The following TRIM71 variants were observed in gnomAD, a reference collection of about 807,000 sequenced individuals.
The protein encoded by TRIM71 is tripartite motif containing 71.
Under a neutral mutation model 61.2 loss-of-function variants are expected in TRIM71, and 9 were observed. The ratio of observed to expected loss-of-function variants is 0.15; its 90% CI spans 0.09 to 0.26. The LOEUF is 0.26. Ranked by LOEUF, TRIM71 falls within the 10% of genes least tolerant of loss-of-function variation. The probability of loss-of-function intolerance (pLI) is 1.00; values close to 1 mark genes in which losing one functional copy is unlikely to be tolerated. For synonymous variants in TRIM71, 645 were observed against 553.2 expected (o/e 1.17, Z -2.33); for missense variants, 998 against 1,238.7 (o/e 0.81, Z 2.92).
chr3:32,849,961 C>T (rs1273920366), intron 1 of TRIM71, among the ~76,000 whole-genome samples: 3 of 152,168 alleles, frequency 2.0e-5, no homozygotes, highest in East Asian at 1.9e-4. Context: ...TGGCTCAAAG[C>T]GTTCTTGGGG....
intron 2 of TRIM71, among the ~76,000 whole-genome samples, chr3:32,874,531 T>G (rs1013985880): frequency 6.6e-6 from 1 of 150,670 alleles, no homozygotes; most frequent in Non-Finnish European, 1.5e-5. Flanking sequence ...CCTGGCTAAT[T>G]TTTTTTTTTG....
At chr3:32,862,369 A>G (rs185055492) in intron 1 of TRIM71, among the ~76,000 whole-genome samples, 3 of 152,338 alleles carry the variant, frequency 2.0e-5, no homozygotes, top group Admixed American at 2.0e-4. Flanking sequence ...TACCCAGGTG[A>G]TGAGTGCCTT....
At chr3:32,889,894 G>A (rs1324740564) in intron 3 of TRIM71, among the ~76,000 whole-genome samples, 1 of 140,926 alleles carries the variant, frequency 7.1e-6, no homozygotes, top group African/African-American at 2.5e-5. Context: ...GTATGTGTGT[G>A]TGTGTGTATG....
chr3:32,824,880 C>G (rs1242380274), intron 1 of TRIM71, among the ~76,000 whole-genome samples: 1 of 151,944 alleles, frequency 6.6e-6, no homozygotes, highest in Non-Finnish European at 1.5e-5. Flanking sequence ...CTGCAACCTC[C>G]GCCTCCCTGG....
rs904336688 is a variant in TRIM71, at chr3:32,892,625, A to T, written c.*814A>T. 3.8e-4 allele frequency: 58 copies of T among 152,244 alleles called. 2 individuals carry two copies. Among genetic ancestry groups the T allele is most frequent in the Non-Finnish European group, 7.3e-5 (5 of 68,050 alleles). 9.4% of individuals were successfully genotyped at this position (152,244 alleles called of 1,614,324 possible). A position where few individuals can be genotyped will look rare whatever the true frequency, so the allele number is the denominator to read the frequency against. The stretch of plus-strand genomic sequence containing the variant: ...ATCTTGCACCCAAGTAGTAAAGCTG[A>T]AAATGACACACTGCCTCCCAAAGAA... On this transcript the variant is annotated 3_prime_UTR_variant, in exon 4 of 4. Transcript: ENST00000383763.
At chr3:32,889,894 G>GTGTGTGTA in intron 3 of TRIM71, among the ~76,000 whole-genome samples, 1 of 141,028 alleles carries the variant, frequency 7.1e-6, no homozygotes, top group Non-Finnish European at 1.6e-5. Flanking sequence ...GTATGTGTGT[G>GTGTGTGTA]TGTGTGTATG....
intron 2 of TRIM71, among the ~76,000 whole-genome samples, chr3:32,879,229 C>A (rs1316036236): frequency 6.6e-6 from 1 of 152,312 alleles, no homozygotes; most frequent in South Asian, 2.1e-4. Flanking sequence ...CTGGTTTGAT[C>A]TTTTCTCCAG....
At chr3:32,828,280 A>G (rs143391602) in intron 1 of TRIM71, among the ~76,000 whole-genome samples, 319 of 152,234 alleles carry the variant, frequency 2.1e-3, no homozygotes, top group African/African-American at 7.4e-3. Flanking sequence ...GAGAGTAGAA[A>G]GTTTAGGTAA....
intron 1 of TRIM71, among the ~76,000 whole-genome samples, chr3:32,854,825 A>G (rs1696577995): frequency 6.6e-6 from 1 of 152,210 alleles, no homozygotes; most frequent in Non-Finnish European, 1.5e-5. Context: ...TTGAGCATCC[A>G]TGTGCCAGAC....
chr3:32,832,679 C>T (rs1379591213), intron 1 of TRIM71, among the ~76,000 whole-genome samples: 1 of 151,650 alleles, frequency 6.6e-6, no homozygotes, highest in East Asian at 1.9e-4. Context: ...AGTGAAGACC[C>T]CGTCTCAATA....
chr3:32,874,285 C>A (rs890037368), intron 2 of TRIM71, among the ~76,000 whole-genome samples: 35 of 152,110 alleles, frequency 2.3e-4, no homozygotes, highest in Non-Finnish European at 4.6e-4. Flanking sequence ...TTGGCACTTT[C>A]CAGCCAGGAC....
chr3:32,821,753 G>GGCCGCGGGCCCGCTGCGT (rs1575338580), intron 1 of TRIM71, among the ~76,000 whole-genome samples: 1 of 151,672 alleles, frequency 6.6e-6, no homozygotes, highest in Non-Finnish European at 1.5e-5. Context: ...CGGAACAGCT[G>GGCCGCGGGCCCGCTGCGT]GCCGCGGGCC....
At chr3:32,822,499 C>CT (rs1696146382) in intron 1 of TRIM71, among the ~76,000 whole-genome samples, 1 of 152,056 alleles carries the variant, frequency 6.6e-6, no homozygotes, top group Non-Finnish European at 1.5e-5. Flanking sequence ...GGTTTGCTGC[C>CT]TAAAATAATC....
chr3:32,868,188 C>A (rs1333668156), intron 1 of TRIM71, among the ~76,000 whole-genome samples: 1 of 152,128 alleles, frequency 6.6e-6, no homozygotes, highest in Non-Finnish European at 1.5e-5. Flanking sequence ...CTGACTGCCT[C>A]TCCTGGCATC....
Position 32,889,231 on chromosome 3 carries a change from T to A in TRIM71, c.1156-1129T>A, listed in dbSNP as rs569064118. 5.3e-5 allele frequency among the ~76,000 whole-genome samples: 8 copies of A among 152,288 alleles called. No individual in the cohort carries two copies. The East Asian group carries it at 1.5e-3, about 29-fold the overall frequency. On this transcript the variant is annotated intron_variant, in intron 3 of 3. Coordinates refer to ENST00000383763, the MANE Select transcript of TRIM71 (RefSeq NM_001039111.3). ...GGCAAAGTGTAGGTGCTCAGTACAC[T>A]CCTTTGTCAAATGGCTGTTTTTGGT... is the stretch of plus-strand genomic sequence containing the variant.
chr3:32,892,942 C>G lies in TRIM71; in HGVS notation c.*1131C>G, dbSNP rs1384962629. 6.6e-6 allele frequency: 1 copy of G among 152,180 alleles called. No homozygotes were observed. The highest frequency in any genetic ancestry group is 1.5e-5 in the Non-Finnish European group (1 of 68,030). 9.4% of individuals were successfully genotyped at this position (152,180 alleles called of 1,614,324 possible). ...CTCCACAGAAAGGGCAGGGTCTGCC[C>G]TGACCCGCGAGTGCATGTTGTTCTG... On this transcript the variant is annotated 3_prime_UTR_variant, in exon 4 of 4. Transcript: ENST00000383763.
At chr3:32,822,310 G>A (rs1023683169) in intron 1 of TRIM71, among the ~76,000 whole-genome samples, 8 of 152,072 alleles carry the variant, frequency 5.3e-5, no homozygotes, top group African/African-American at 1.7e-4. Context: ...CTGGAGTCTG[G>A]TTGGAAAAAG....
At chr3:32,860,137 T>C (rs1453659938) in intron 1 of TRIM71, among the ~76,000 whole-genome samples, 5 of 119,434 alleles carry the variant, frequency 4.2e-5, no homozygotes, top group South Asian at 3.6e-4. Context: ...CCTCCCCTCT[T>C]CCCTCCCCTC....
chr3:32,829,626 T>TTTG (rs1553643443), intron 1 of TRIM71, among the ~76,000 whole-genome samples: 3 of 148,680 alleles, frequency 2.0e-5, no homozygotes, highest in Admixed American at 6.7e-5. Flanking sequence ...TGTCATGGTA[T>TTTG]TGTGTGTGTG....
Sources: allele counts gnomAD v4.1 joint callset (sites outside exome capture counted in the v4.1 genomes callset), GRCh38; gene constraint gnomAD v4.1.1; transcripts MANE v1.5; gene names NCBI Gene and HGNC (gene_info 2026-07-23, HGNC 2026-07-21).